Variants in ENOX1 observed in about 807,000 individuals in gnomAD.
The protein encoded by ENOX1 is candidate growth-related and time keeping constitutive hydroquinone (NADH) oxidase.
Under a neutral mutation model 82.5 loss-of-function variants are expected in ENOX1, and 42 were observed. The observed-to-expected ratio is 0.51, with a 90% CI of 0.40 to 0.66. The LOEUF (loss-of-function observed/expected upper bound fraction) is 0.66, where lower values mean the gene tolerates loss of function less well. Ranked by LOEUF, ENOX1 falls within the 30% of genes least tolerant of loss-of-function variation. The pLI is 0.00. For synonymous variants in ENOX1, 271 were observed against 282.2 expected (o/e 0.96, Z 0.40); for missense variants, 608 against 811.6 (o/e 0.75, Z 3.05).
chr13:43,476,188 A>T (rs1024859919), intron 3 of ENOX1, among the ~76,000 whole-genome samples: 1 of 152,160 alleles, frequency 6.6e-6, no homozygotes, highest in Admixed American at 6.6e-5. Context: ...TTCATTCAGT[A>T]ATTCAAAAAA....
intron 2 of ENOX1, among the ~76,000 whole-genome samples, chr13:43,597,374 G>A (rs2081518220): frequency 6.6e-6 from 1 of 152,176 alleles, no homozygotes; most frequent in Non-Finnish European, 1.5e-5. Flanking sequence ...ATCTAAATCT[G>A]ACTTCAAAGC....
chr13:43,606,014 C>T lies in ENOX1; in HGVS notation c.-219+61465G>A, dbSNP rs555899983. Among the ~76,000 whole-genome samples the T allele has an allele frequency of 5.2e-4, 79 of 152,230 alleles. 1 individual carries two copies. The highest frequency in any genetic ancestry group is 1.8e-3 in the African/African-American group (75 of 41,560). On this transcript the variant is annotated intron_variant, in intron 2 of 16. Transcript: ENST00000690772. ...GGGCAAAAGATCTGAATAGACACTTCTCAAAAGAAGACATGCCAATGGCAA... is the reference window on the plus strand; with the variant it reads ...GGGCAAAAGATCTGAATAGACACTTTTCAAAAGAAGACATGCCAATGGCAA...
At chr13:43,461,018 C>T (rs2057461922) in intron 3 of ENOX1, among the ~76,000 whole-genome samples, 2 of 152,056 alleles carry the variant, frequency 1.3e-5, no homozygotes, top group South Asian at 4.1e-4. Context: ...AATTTAATGA[C>T]CTTTAAGTTT....
At chr13:43,559,015 G>A (rs957092031) in intron 2 of ENOX1, among the ~76,000 whole-genome samples, 4 of 152,198 alleles carry the variant, frequency 2.6e-5, no homozygotes, top group Non-Finnish European at 5.9e-5. Flanking sequence ...CAAACCACTC[G>A]GCTTCCATAA....
chr13:43,761,754 T>C (rs113778080), intron 1 of ENOX1, among the ~76,000 whole-genome samples: 191 of 152,278 alleles, frequency 1.3e-3, no homozygotes, highest in African/African-American at 4.3e-3. Flanking sequence ...TTAAGCCAAA[T>C]CTGTGTCTCC....
At chr13:43,573,129 A>C (rs2080257921) in intron 2 of ENOX1, among the ~76,000 whole-genome samples, 1 of 152,210 alleles carries the variant, frequency 6.6e-6, no homozygotes, top group Non-Finnish European at 1.5e-5. Context: ...TGCTTGGTCA[A>C]GGAAATCACA....
Position 43,360,885 on chromosome 13 carries a change from GCTAA to G in ENOX1, c.382+390_382+393del, listed in dbSNP as rs550264865. Among the ~76,000 whole-genome samples the G allele has an allele frequency of 3.2e-4, 49 of 152,198 alleles. No individual in the cohort carries two copies. In the South Asian group the frequency reaches 1.0e-2, roughly 31 times the overall value. ...CTTCCCTCTCCCCAGCCCCCAAATTGCTAACTGTCAAATTAATTCCATTTTCCAT... is the reference window on the plus strand; with the variant it reads ...CTTCCCTCTCCCCAGCCCCCAAATTGCTGTCAAATTAATTCCATTTTCCAT... On this transcript the variant is annotated intron_variant, in intron 6 of 16. Transcript: ENST00000690772.
chr13:43,758,765 T>C (rs1950794606), intron 1 of ENOX1, among the ~76,000 whole-genome samples: 1 of 152,130 alleles, frequency 6.6e-6, no homozygotes, highest in Non-Finnish European at 1.5e-5. Context: ...TGGGGGAAAA[T>C]AGGACTTAAT....
intron 1 of ENOX1, among the ~76,000 whole-genome samples, chr13:43,682,386 G>A (rs573210127): frequency 2.0e-4 from 31 of 152,270 alleles, no homozygotes; most frequent in African/African-American, 7.5e-4. Flanking sequence ...CTAAATAGGT[G>A]TTTACTTTTA....
At chr13:43,230,163 C>T (rs544807436) in intron 15 of ENOX1, among the ~76,000 whole-genome samples, 8 of 152,174 alleles carry the variant, frequency 5.3e-5, no homozygotes, top group South Asian at 2.1e-4. Context: ...ATCATGATGG[C>T]GGAGAGAAGT....
In ENOX1 at chr13:43,646,222, A is replaced by T. The variant is rs554915949; in HGVS notation, c.-219+21257T>A. On this transcript the variant is annotated intron_variant, in intron 2 of 16. Coordinates refer to ENST00000690772, the MANE Select transcript of ENOX1 (RefSeq NM_001347969.2). Reference sequence around the variant, plus strand: ...TGAGCAGTAACATCCTTTATGTCTGATCCAGGAGTTTCGTGTCTTCTGCGA... The same window carrying T: ...TGAGCAGTAACATCCTTTATGTCTGTTCCAGGAGTTTCGTGTCTTCTGCGA... Among the ~76,000 whole-genome samples, 21 of 152,308 alleles carry T rather than the reference A, an allele frequency of 1.4e-4. No homozygotes were observed. The South Asian group carries it at 4.4e-3, about 32-fold the overall frequency.
intron 1 of ENOX1, among the ~76,000 whole-genome samples, chr13:43,729,301 G>T (rs2089183635): frequency 6.6e-6 from 1 of 152,082 alleles, no homozygotes; most frequent in African/African-American, 2.4e-5. Context: ...TTATAGTAAA[G>T]CCTATTAATT....
At chr13:43,727,413 T>C (rs1192536445) in intron 1 of ENOX1, among the ~76,000 whole-genome samples, 1 of 152,168 alleles carries the variant, frequency 6.6e-6, no homozygotes, top group East Asian at 1.9e-4. Context: ...ATGAACGGAA[T>C]CCATGTTCTT....
intron 2 of ENOX1, among the ~76,000 whole-genome samples, chr13:43,610,339 A>G (rs2082146731): frequency 6.6e-6 from 1 of 152,176 alleles, no homozygotes; most frequent in Admixed American, 6.5e-5. Flanking sequence ...GTATGCTTGT[A>G]CCTGCTCATT....
intron 5 of ENOX1, among the ~76,000 whole-genome samples, chr13:43,401,571 C>G (rs117779356): frequency 6.6e-6 from 1 of 152,066 alleles, no homozygotes; most frequent in South Asian, 2.1e-4. Flanking sequence ...AGAGAGAGAG[C>G]TTTGGAGATC....
intron 1 of ENOX1, among the ~76,000 whole-genome samples, chr13:43,772,712 G>A (rs1951704823): frequency 2.1e-5 from 3 of 140,612 alleles, no homozygotes; most frequent in South Asian, 4.4e-4. Context: ...CTGTGCTACC[G>A]CACCCCAGCC....
At chr13:43,326,231 C>G (rs76769841) in intron 10 of ENOX1, among the ~76,000 whole-genome samples, 188 bp downstream of exon 10, 1 of 152,114 alleles carries the variant, frequency 6.6e-6, no homozygotes, top group South Asian at 2.1e-4. Flanking sequence ...ACTGTGTTCC[C>G]TAAGTGTTAA....
intron 15 of ENOX1, among the ~76,000 whole-genome samples, chr13:43,235,599 G>A (rs1353884296): frequency 6.6e-6 from 1 of 152,096 alleles, no homozygotes; most frequent in Non-Finnish European, 1.5e-5. Flanking sequence ...GGGCGTGGTG[G>A]TGTGCACCTG....
intron 3 of ENOX1, among the ~76,000 whole-genome samples, chr13:43,462,115 C>G (rs2057513768): frequency 6.6e-6 from 1 of 152,156 alleles, no homozygotes; most frequent in African/African-American, 2.4e-5. Flanking sequence ...GGGACCCACT[C>G]TATCTGATCC....
Sources: gnomAD v4.1 joint callset for allele counts (sites outside exome capture counted in the v4.1 genomes callset) on GRCh38, gnomAD v4.1.1 for gene constraint, MANE v1.5 for transcripts, NCBI Gene and HGNC (gene_info 2026-07-23, HGNC 2026-07-21) for gene names.